Variants in VPS35L observed in about 807,000 individuals in gnomAD.
The protein encoded by VPS35L is VPS35 endosomal protein-sorting factor-like.
Under a neutral mutation model 133.0 loss-of-function variants are expected in VPS35L, and 83 were observed. That is an observed-to-expected ratio of 0.62 (90% CI 0.52 to 0.75). The LOEUF is 0.75. Ranked by LOEUF, VPS35L falls within the 30% of genes least tolerant of loss-of-function variation. The pLI, the probability that VPS35L is intolerant of heterozygous loss-of-function variation, is 0.00. For missense variants in VPS35L, 1,083 were observed against 1,206.8 expected (o/e 0.90, Z 1.52); for synonymous variants, 423 against 449.9 (o/e 0.94, Z 0.76).
chr16:19,689,276 G>GT (rs11327238), intron 28 of VPS35L, among the ~76,000 whole-genome samples: 8,890 of 144,126 alleles, frequency 0.062, 459 homozygotes, highest in African/African-American at 0.13. Context: ...TGTGCCTGGC[G>GT]TTTTTTTTTT....
At position 19,700,558 on chromosome 16, in the gene VPS35L, AT is replaced by A; in HGVS notation, c.*85del. The A allele has an allele frequency of 8.5e-7, 1 of 1,174,520 alleles. No homozygotes were observed. Among genetic ancestry groups the A allele is most frequent in the Non-Finnish European group, 1.2e-6 (1 of 803,522 alleles). 72.8% of individuals were successfully genotyped at this position (1,174,520 alleles called of 1,614,324 possible). ...TCTGCTGCCCTGAACTCTTACGGCA[AT>A]TTAGGTTTCTCATTTTTCTTTTCTT... On this transcript the variant is annotated 3_prime_UTR_variant, in exon 31 of 31. Transcript: ENST00000417362.
chr16:19,639,435 G>C lies in VPS35L; in HGVS notation c.1699-580G>C, dbSNP rs983431886. Among the ~76,000 whole-genome samples, 2 of 152,178 alleles carry C rather than the reference G, an allele frequency of 1.3e-5. No homozygotes were observed. Among genetic ancestry groups the C allele is most frequent in the East Asian group, 1.9e-4 (1 of 5,192 alleles). On this transcript the variant is annotated intron_variant, in intron 20 of 30. Transcript: ENST00000417362. This position sits in a 1 kb window ranked among gnomAD's most constrained non-coding sequence, Gnocchi z 4.1. ...CCAGAAAAGCTTGTGGTCATCAAAG[G>C]TTGCCTGGATGGCTCACCAAAATGT...
At chr16:19,579,458 G>A (rs1408077605) in intron 6 of VPS35L, 3 of 180,054 alleles carry the variant, frequency 1.7e-5, no homozygotes, top group Non-Finnish European at 3.5e-5. Flanking sequence ...CACTTTGGGA[G>A]GCCAAGGCGG....
At chr16:19,631,998 G>A (rs531547913) in intron 18 of VPS35L, among the ~76,000 whole-genome samples, 7 of 152,178 alleles carry the variant, frequency 4.6e-5, no homozygotes, top group South Asian at 4.2e-4. Context: ...GTCTCACTCC[G>A]TCACCCAGGC....
intron 27 of VPS35L, among the ~76,000 whole-genome samples, chr16:19,673,500 AAG>A (rs1485770820): frequency 6.6e-6 from 1 of 152,242 alleles, no homozygotes; most frequent in Non-Finnish European, 1.5e-5. Flanking sequence ...CATTTGTGGA[AAG>A]AGCTCCTGCT....
chr16:19,605,816 TTGTTTGCCTGCTTATTCTCTTTCC>T (rs1972521489), intron 9 of VPS35L, among the ~76,000 whole-genome samples: 1 of 152,206 alleles, frequency 6.6e-6, no homozygotes, highest in Non-Finnish European at 1.5e-5. Context: ...ATTATCTTAT[TTGTTTGCCTGCTTATTCTCTTTCC>T]TGTTTAGCAT....
intron 9 of VPS35L, among the ~76,000 whole-genome samples, chr16:19,606,654 A>G (rs1332562451): frequency 6.6e-6 from 1 of 152,212 alleles, no homozygotes; most frequent in Admixed American, 6.5e-5. Context: ...ATACTACCAA[A>G]TGACAGAATC....
rs1971293224 is a variant in VPS35L, at chr16:19,569,502, G to A, written c.196G>A (p.Val66Met). 6.2e-7 allele frequency: 1 copy of A among 1,610,960 alleles called. No homozygotes were observed. Among genetic ancestry groups the A allele is most frequent in the Non-Finnish European group, 8.5e-7 (1 of 1,178,686 alleles). Reference sequence around the variant, plus strand: ...GTCCTCCTCCTCCTCCAGCTCCGTGGTGGACCCGCTGAGCAGCGTCCTCGA... The same window carrying A: ...GTCCTCCTCCTCCTCCAGCTCCGTGATGGACCCGCTGAGCAGCGTCCTCGA... ...STSSSSSSSVVDPLSSVLDGT... is the reference protein window; with the variant it reads ...STSSSSSSSVMDPLSSVLDGT... The change falls in exon 3 of 31, where the codon GTG (valine) becomes ATG (methionine). Residue 66 changes from valine to methionine, a missense_variant. Coordinates refer to ENST00000417362, the MANE Select transcript of VPS35L (RefSeq NM_020314.7).
rs771690942 is a variant in VPS35L, at chr16:19,616,802, C to A, written c.1218C>A (p.Ala406=). 11 of 1,614,192 alleles carry A rather than the reference C, an allele frequency of 6.8e-6. No homozygotes were observed. In the East Asian group the frequency reaches 2.5e-4, roughly 36 times the overall value. The change falls in exon 14 of 31, where the codon GCC becomes GCA. Residue 406 remains alanine, a synonymous_variant. Coordinates refer to ENST00000417362, the MANE Select transcript of VPS35L (RefSeq NM_020314.7). ...DWIFQCISYH[A]PEALLTEMME... The stretch of plus-strand genomic sequence containing the variant: ...TCTTCCAGTGCATCTCCTACCATGC[C>A]CCCGAGGTAACTGCCAGGTGGCTTC...
intron 3 of VPS35L, among the ~76,000 whole-genome samples, chr16:19,569,884 G>A (rs561120732): frequency 1.3e-5 from 2 of 152,118 alleles, no homozygotes; most frequent in East Asian, 3.9e-4. Flanking sequence ...GCCCAGGGTG[G>A]TCTTGTACTC....
intron 26 of VPS35L, among the ~76,000 whole-genome samples, chr16:19,657,985 G>A (rs996438272): frequency 6.6e-6 from 1 of 152,110 alleles, no homozygotes; most frequent in South Asian, 2.1e-4. Flanking sequence ...CAAGCTTGTC[G>A]CCCACGTTCA....
rs543528520 is a variant in VPS35L, at chr16:19,583,434, G to C, written c.639+1781G>C. ...TAATTCTACATATTTATGGGGTACA[G>C]AGTGATATTTTGATACATGTATCCC... On this transcript the variant is annotated intron_variant, in intron 7 of 30. Coordinates refer to ENST00000417362, the MANE Select transcript of VPS35L (RefSeq NM_020314.7). 1.1e-4 allele frequency among the ~76,000 whole-genome samples: 17 copies of C among 152,294 alleles called. No homozygotes were observed. In the East Asian group the frequency reaches 3.3e-3, roughly 29 times the overall value.
rs563226672 is a variant in VPS35L, at chr16:19,574,774, C to T, written c.409-324C>T. On this transcript the variant is annotated intron_variant, in intron 4 of 30. Transcript: ENST00000417362. ...GCCAGAGATGGGGCTAAACATCCAA[C>T]GGTGCACAGAATTAATCTCCCACAA... is the stretch of plus-strand genomic sequence containing the variant. Among the ~76,000 whole-genome samples, 4 of 152,154 alleles carry T rather than the reference C, an allele frequency of 2.6e-5. No individual in the cohort carries two copies. In the South Asian group the frequency reaches 8.3e-4, roughly 32 times the overall value.
chr16:19,605,111 T>C (rs1009734654), intron 9 of VPS35L, among the ~76,000 whole-genome samples: 1 of 152,280 alleles, frequency 6.6e-6, no homozygotes, highest in African/African-American at 2.4e-5. Context: ...ACATGCTAAC[T>C]AAGATGGTGC....
rs568416938 is a variant in VPS35L at position 19,561,596 on chromosome 16, A to G, written c.18-3255A>G. Among the ~76,000 whole-genome samples the G allele has an allele frequency of 3.3e-5, 5 of 152,194 alleles. No individual in the cohort carries two copies. The East Asian group carries it at 9.7e-4, about 29-fold the overall frequency. On this transcript the variant is annotated intron_variant, in intron 1 of 30. Transcript: ENST00000417362. ...ATCTGGGGTGCTAGTATTTCATACA[A>G]AGGTTAATGAAGTTGGGAATCTAAA... is the stretch of plus-strand genomic sequence containing the variant.
At chr16:19,669,831 T>G (rs1008081535) in intron 27 of VPS35L, among the ~76,000 whole-genome samples, 1 of 151,482 alleles carries the variant, frequency 6.6e-6, no homozygotes, top group African/African-American at 2.4e-5. Context: ...CCACCACACC[T>G]GGCTAATTTT....
intron 23 of VPS35L, among the ~76,000 whole-genome samples, chr16:19,647,506 T>A (rs958756925): frequency 6.6e-6 from 1 of 152,208 alleles, no homozygotes; most frequent in African/African-American, 2.4e-5. Flanking sequence ...GCAAACCTTC[T>A]GACAAGGGGC....
chr16:19,608,210 G>C lies in VPS35L; in HGVS notation c.817G>C (p.Ala273Pro). Residue 273 changes from alanine to proline, a missense_variant, in exon 10 of 31, where the codon GCC (alanine) becomes CCC (proline). Physicochemically the swap from Ala to Pro is conservative, Grantham distance 27. Coordinates refer to ENST00000417362, the MANE Select transcript of VPS35L (RefSeq NM_020314.7). ...TTCTCCAGAGAATGCAAATGACACGGCCAAGGAAACATGCCTAAATTGGTT... is the reference window on the plus strand; with the variant it reads ...TTCTCCAGAGAATGCAAATGACACGCCCAAGGAAACATGCCTAAATTGGTT... ...HFSPENANDT[A>P]KETCLNWFFK... The C allele has an allele frequency of 6.2e-7, 1 of 1,613,448 alleles. No homozygotes were observed. Among genetic ancestry groups the C allele is most frequent in the Non-Finnish European group, 8.5e-7 (1 of 1,179,680 alleles).
intron 26 of VPS35L, among the ~76,000 whole-genome samples, chr16:19,661,021 C>T (rs1458362472): frequency 2.0e-5 from 3 of 149,104 alleles, no homozygotes; most frequent in African/African-American, 7.4e-5. Flanking sequence ...ATGCTCTCTG[C>T]CTCTCTATTC....
Sources: allele counts gnomAD v4.1 joint callset (sites outside exome capture counted in the v4.1 genomes callset), GRCh38; gene constraint gnomAD v4.1.1; non-coding constraint Gnocchi (gnomAD v3.1); transcripts MANE v1.5; gene names NCBI Gene and HGNC (gene_info 2026-07-23, HGNC 2026-07-21).